The following ERBB4 variants were observed in gnomAD, a reference collection of about 807,000 sequenced individuals.
The protein encoded by ERBB4 is receptor tyrosine-protein kinase erbB-4.
In ERBB4, 42 loss-of-function variants were observed where a neutral mutation model predicts 158.0. The observed-to-expected ratio is 0.27, with a 90% CI of 0.21 to 0.34. ERBB4 has a LOEUF of 0.34. Among genes scored for constraint, ERBB4 ranks in the 10% least tolerant of loss-of-function variants. The pLI, the probability that ERBB4 is intolerant of heterozygous loss-of-function variation, is 1.00. For missense variants in ERBB4, 1,333 were observed against 1,624.1 expected (o/e 0.82, Z 3.08); for synonymous variants, 583 against 558.7 (o/e 1.04, Z -0.61).
chr2:211,499,479 C>T (rs569745741), intron 20 of ERBB4, among the ~76,000 whole-genome samples: 33 of 152,028 alleles, frequency 2.2e-4, no homozygotes, highest in African/African-American at 6.3e-4. Context: ...GCCGAGATAG[C>T]GCCACTGCAC....
intron 12 of ERBB4, among the ~76,000 whole-genome samples, chr2:211,700,910 T>C (rs1361514114): frequency 6.6e-6 from 1 of 152,198 alleles, no homozygotes; most frequent in Non-Finnish European, 1.5e-5. Context: ...ATTCTTTTTA[T>C]TCAGTATTTA....
At chr2:212,118,463 G>A (rs1281908425) in intron 2 of ERBB4, among the ~76,000 whole-genome samples, 1 of 152,126 alleles carries the variant, frequency 6.6e-6, no homozygotes, top group Non-Finnish European at 1.5e-5. Context: ...ATATTCATGA[G>A]AAAGAGAATG....
chr2:211,486,396 T>C (rs1368538343), intron 20 of ERBB4, among the ~76,000 whole-genome samples: 3 of 152,138 alleles, frequency 2.0e-5, no homozygotes, highest in Admixed American at 6.6e-5. Context: ...TCATTGTAAA[T>C]TGATTCTAAC....
In ERBB4 at chr2:211,399,031, C is replaced by T. The variant is rs560340499; in HGVS notation, c.3136-11039G>A. 9.2e-5 allele frequency among the ~76,000 whole-genome samples: 14 copies of T among 152,304 alleles called. No homozygotes were observed. The South Asian group carries it at 1.0e-3, about 11-fold the overall frequency. On this transcript the variant is annotated intron_variant, in intron 25 of 27. Coordinates refer to ENST00000342788, the MANE Select transcript of ERBB4 (RefSeq NM_005235.3). The stretch of plus-strand genomic sequence containing the variant: ...GATGAGCCCTTTCCTCTCTCACCTC[C>T]GACCTCTGTCCAAGTTCTAATTACT...
At chr2:212,129,196 T>C (rs1303591252) in intron 1 of ERBB4, among the ~76,000 whole-genome samples, 1 of 151,608 alleles carries the variant, frequency 6.6e-6, no homozygotes, top group African/African-American at 2.4e-5. Context: ...TTATGTTGTA[T>C]AGTTTCTCTC....
intron 1 of ERBB4, among the ~76,000 whole-genome samples, chr2:212,246,455 A>G (rs1481117546): frequency 1.3e-5 from 2 of 152,218 alleles, no homozygotes; most frequent in African/African-American, 4.8e-5. Context: ...TATTTATTCA[A>G]CAAATATGTA....
At chr2:212,515,227 A>G (rs1334058739) in intron 1 of ERBB4, among the ~76,000 whole-genome samples, 4 of 152,210 alleles carry the variant, frequency 2.6e-5, no homozygotes, top group Non-Finnish European at 5.9e-5. Context: ...AACATTTTCA[A>G]TATCAGTTCA....
chr2:212,148,855 G>C (rs964013281), intron 1 of ERBB4, among the ~76,000 whole-genome samples: 1 of 145,606 alleles, frequency 6.9e-6, no homozygotes, highest in South Asian at 2.3e-4. Flanking sequence ...ATGAGTTCAT[G>C]TCCTTTGTAG....
chr2:211,428,519 C>T (rs759319449), intron 21 of ERBB4, 36 bp from the exon 22 acceptor site: 4 of 1,150,374 alleles, frequency 3.5e-6, no homozygotes, highest in Non-Finnish European at 5.3e-6. Flanking sequence ...TTTAAAATTA[C>T]ATTAAAAATT....
chr2:211,469,774 T>A (rs1261586733), intron 20 of ERBB4, among the ~76,000 whole-genome samples: 1 of 152,182 alleles, frequency 6.6e-6, no homozygotes, highest in African/African-American at 2.4e-5. Flanking sequence ...GTACATAACT[T>A]TGCATTCTGC....
chr2:211,929,820 ATG>A (rs2080125588), intron 3 of ERBB4, among the ~76,000 whole-genome samples: 1 of 152,166 alleles, frequency 6.6e-6, no homozygotes, highest in Non-Finnish European at 1.5e-5. Flanking sequence ...GCATCTGTGT[ATG>A]TGTCTATACA....
intron 25 of ERBB4, among the ~76,000 whole-genome samples, chr2:211,395,880 TTA>T (rs2062905216): frequency 6.6e-6 from 1 of 152,066 alleles, no homozygotes; most frequent in Non-Finnish European, 1.5e-5. Context: ...TTCATAATAT[TTA>T]TATCTGCTAC....
intron 26 of ERBB4, 112 bp from the exon 27 acceptor site, chr2:211,387,262 T>C (rs1367854050): frequency 8.6e-6 from 8 of 932,080 alleles, no homozygotes; most frequent in African/African-American, 1.6e-5. Flanking sequence ...ATAGTCATAG[T>C]ATTTACTGGT....
chr2:211,975,899 T>C (rs141256263), intron 2 of ERBB4, among the ~76,000 whole-genome samples: 9 of 152,288 alleles, frequency 5.9e-5, no homozygotes, highest in African/African-American at 9.6e-5. Context: ...TGGTCAATTA[T>C]TCTTTACTAA....
chr2:212,378,947 T>C lies in ERBB4; in HGVS notation c.82+159502A>G, dbSNP rs1217717178. Among the ~76,000 whole-genome samples the C allele has an allele frequency of 2.6e-5, 4 of 151,808 alleles. No homozygotes were observed. The East Asian group carries it at 7.7e-4, about 29-fold the overall frequency. On this transcript the variant is annotated intron_variant, in intron 1 of 27. Coordinates refer to ENST00000342788, the MANE Select transcript of ERBB4 (RefSeq NM_005235.3). ...GGTGAGGTTCTAAAATATTTTAATA[T>C]TCATCGTATGGCACCCAGTTGTTTT...
At position 211,964,781 on chromosome 2, in the gene ERBB4, T is replaced by C. The variant is rs569616653; in HGVS notation, c.235-17165A>G. 2.0e-5 allele frequency among the ~76,000 whole-genome samples: 3 copies of C among 152,312 alleles called. No homozygotes were observed. The East Asian group carries it at 5.8e-4, about 29-fold the overall frequency. Reference sequence around the variant, plus strand: ...CAAATTAGGTCATGGGGATTAAGATTCTACAGGACATTTTTCTACTACTCA... The same window carrying C: ...CAAATTAGGTCATGGGGATTAAGATCCTACAGGACATTTTTCTACTACTCA... On this transcript the variant is annotated intron_variant, in intron 2 of 27. Coordinates refer to ENST00000342788, the MANE Select transcript of ERBB4 (RefSeq NM_005235.3).
chr2:212,210,027 G>A (rs1192725819), intron 1 of ERBB4, among the ~76,000 whole-genome samples: 1 of 151,976 alleles, frequency 6.6e-6, no homozygotes, highest in Non-Finnish European at 1.5e-5. Flanking sequence ...AACTTGCTCA[G>A]AAAGGTCATT....
intron 2 of ERBB4, among the ~76,000 whole-genome samples, chr2:212,107,482 A>AT (rs983771113): frequency 6.6e-6 from 1 of 152,154 alleles, no homozygotes; most frequent in East Asian, 1.9e-4. Context: ...CTTGCTTTTG[A>AT]TTTTACAGGC....
intron 20 of ERBB4, among the ~76,000 whole-genome samples, chr2:211,505,022 C>T (rs2065710376): frequency 6.6e-6 from 1 of 152,138 alleles, no homozygotes; most frequent in South Asian, 2.1e-4. Context: ...GTTTGGAAAA[C>T]ATATTAGAAG....
Sources: gnomAD v4.1 joint callset for allele counts (sites outside exome capture counted in the v4.1 genomes callset) on GRCh38, gnomAD v4.1.1 for gene constraint, MANE v1.5 for transcripts, NCBI Gene and HGNC (gene_info 2026-07-23, HGNC 2026-07-21) for gene names.